Variants in CEP85L observed in about 807,000 individuals in gnomAD.
CEP85L encodes centrosomal protein 85L.
CEP85L carries 60 observed loss-of-function variants against 100.3 expected under a neutral mutation model. The observed-to-expected ratio is 0.60, with a 90% CI of 0.49 to 0.74. CEP85L has a LOEUF of 0.74. CEP85L is among the 30% of genes least tolerant of loss of function. The pLI is 0.00. For missense variants in CEP85L, 973 were observed against 936.2 expected, an observed-to-expected ratio of 1.04 and a Z score of -0.51; for synonymous variants, 319 against 322.7, an observed-to-expected ratio of 0.99 and a Z score of 0.12.
Position 118,584,766 on chromosome 6 carries a change from G to A in CEP85L, c.233-18450C>T, listed in dbSNP as rs528753295. ...TCCCAGAAGCCTCCAAATTAACTCT[G>A]GAAAATGATTTAACTATTTATGCCC... On this transcript the variant is annotated intron_variant, in intron 2 of 12. Transcript: ENST00000368491. Among the ~76,000 whole-genome samples the A allele has an allele frequency of 7.9e-5, 12 of 152,268 alleles. 1 individual carries two copies. The East Asian group carries it at 2.3e-3, about 29-fold the overall frequency.
chr6:118,573,757 C>T (rs1213957494), intron 2 of CEP85L, among the ~76,000 whole-genome samples: 2 of 151,922 alleles, frequency 1.3e-5, no homozygotes, highest in Admixed American at 1.3e-4. Flanking sequence ...CCAGAAGATA[C>T]GTAGAGATGG....
At chr6:118,482,085 C>T in intron 7 of CEP85L, 152 bp from the exon 8 acceptor site, 1 of 455,778 alleles carries the variant, frequency 2.2e-6, no homozygotes, top group Non-Finnish European at 3.6e-6. Flanking sequence ...GTATTTAATT[C>T]TCCATCTCTT....
intron 2 of CEP85L, among the ~76,000 whole-genome samples, chr6:118,622,383 A>C (rs1773506927): frequency 6.6e-6 from 1 of 152,238 alleles, no homozygotes; most frequent in Admixed American, 6.5e-5. Flanking sequence ...CCAATTGAGC[A>C]TAACTGCCAC....
At chr6:118,573,614 T>G (rs1261817175) in intron 2 of CEP85L, among the ~76,000 whole-genome samples, 1 of 152,132 alleles carries the variant, frequency 6.6e-6, no homozygotes, top group Non-Finnish European at 1.5e-5. Context: ...ACAACAGGGG[T>G]GACTGGTATT....
rs1228489170 is a variant in CEP85L at position 118,480,485 on chromosome 6, C to T, written c.1774G>A (p.Glu592Lys). The change falls in exon 9 of 13, where the codon GAA becomes AAA. Residue 592 changes from glutamate to lysine, a missense_variant. Glu to Lys is a moderately conservative substitution (Grantham distance 56). Around this residue, in one of 3 missense-constraint regions of CEP85L, gnomAD observed 890 missense variants for 844.5 expected, o/e 1.05. Transcript: ENST00000368491. ...SLQQKVERCL[E>K]DGIRLPMLDA... ...AACATGGGAAGGCGGATTCCATCTT[C>T]AAGGCATCTTTCTACTTTTTGTTGC... 4 of 1,609,858 alleles carry T rather than the reference C, an allele frequency of 2.5e-6. No individual in the cohort carries two copies. Among genetic ancestry groups the T allele is most frequent in the Non-Finnish European group, 3.4e-6 (4 of 1,177,472 alleles).
intron 7 of CEP85L, among the ~76,000 whole-genome samples, chr6:118,483,389 G>A (rs546839984): frequency 6.6e-6 from 1 of 152,222 alleles, no homozygotes; most frequent in East Asian, 1.9e-4. Context: ...GTGAATCCTA[G>A]AGACTGTGTT....
intron 3 of CEP85L, among the ~76,000 whole-genome samples, chr6:118,524,813 T>G (rs749391105): frequency 6.6e-6 from 1 of 152,192 alleles, no homozygotes; most frequent in Non-Finnish European, 1.5e-5. Context: ...TGAGGAAACC[T>G]GCCCAGGGCT....
chr6:118,524,286 TA>T (rs1460573810), intron 3 of CEP85L, among the ~76,000 whole-genome samples: 1 of 151,942 alleles, frequency 6.6e-6, no homozygotes, highest in Non-Finnish European at 1.5e-5. Flanking sequence ...CTACTAAAAA[TA>T]CAAAAAATTA....
intron 4 of CEP85L, among the ~76,000 whole-genome samples, chr6:118,519,466 GT>G (rs1776496361): frequency 1.6e-5 from 1 of 63,176 alleles, no homozygotes. Context: ...GTGTGTGTGT[GT>G]GTGTGTGGCG....
chr6:118,641,931 T>C (rs1774903648), intron 1 of CEP85L, among the ~76,000 whole-genome samples: 1 of 152,150 alleles, frequency 6.6e-6, no homozygotes, highest in Non-Finnish European at 1.5e-5. Flanking sequence ...GATGATGCTT[T>C]CAAATGAAAC....
At chr6:118,533,562 C>CA (rs1777409993) in intron 3 of CEP85L, among the ~76,000 whole-genome samples, 1 of 151,970 alleles carries the variant, frequency 6.6e-6, no homozygotes, top group Non-Finnish European at 1.5e-5. Context: ...TCCACGAACT[C>CA]AGAGGCGGAA....
At chr6:118,590,390 C>T (rs1781118482) in intron 2 of CEP85L, among the ~76,000 whole-genome samples, 1 of 152,162 alleles carries the variant, frequency 6.6e-6, no homozygotes, top group Non-Finnish European at 1.5e-5. Flanking sequence ...AAACTGGGTC[C>T]ACTCAATACA....
intron 3 of CEP85L, among the ~76,000 whole-genome samples, chr6:118,562,798 C>A (rs1344521794): frequency 1.3e-5 from 2 of 152,136 alleles, no homozygotes; most frequent in South Asian, 4.1e-4. Context: ...AGTTCAGAAA[C>A]ATCCTAGGGA....
chr6:118,566,466 G>A, intron 2 of CEP85L, 150 bp from the exon 3 acceptor site: 1 of 693,908 alleles, frequency 1.4e-6, no homozygotes, highest in Non-Finnish European at 2.4e-6. Flanking sequence ...TGCCTAGGCT[G>A]GAGTGCAGTG....
chr6:118,565,557 A>C lies in CEP85L; in HGVS notation c.992T>G (p.Phe331Cys). 1 of 1,614,166 alleles carries C rather than the reference A, an allele frequency of 6.2e-7. No homozygotes were observed. Among genetic ancestry groups the C allele is most frequent in the Non-Finnish European group, 8.5e-7 (1 of 1,180,016 alleles). Residue 331 changes from phenylalanine to cysteine, a missense_variant, in exon 3 of 13, where the codon TTT becomes TGT. This residue lies in a region of CEP85L where 890 missense variants were observed against 844.5 expected (regional missense o/e 1.05). Coordinates refer to ENST00000368491, the MANE Select transcript of CEP85L (RefSeq NM_001042475.3). ...CATTGGTGTTTCACTTCCTTGTCGA[A>C]AGTCTTCAATTTGCTGCTGTTGCCA... ...APWQQQQIED[F>C]RQGSETPMQV... is the part of the protein sequence containing the mutation.
At chr6:118,491,262 C>T (rs952935791) in intron 6 of CEP85L, among the ~76,000 whole-genome samples, 6 of 150,446 alleles carry the variant, frequency 4.0e-5, no homozygotes, top group Admixed American at 2.7e-4. Context: ...TCTAGTGTTC[C>T]TGTCTGTGTA....
At chr6:118,579,962 C>G (rs1025999071) in intron 2 of CEP85L, among the ~76,000 whole-genome samples, 1 of 152,194 alleles carries the variant, frequency 6.6e-6, no homozygotes, top group Non-Finnish European at 1.5e-5. Context: ...CATATCCCCA[C>G]GTGTGTAGAA....
chr6:118,469,949 C>T (rs780332988), intron 11 of CEP85L, among the ~76,000 whole-genome samples: 2 of 152,014 alleles, frequency 1.3e-5, no homozygotes, highest in African/African-American at 2.4e-5. Context: ...ATAAAAAGAA[C>T]TAAAAAGTAA....
chr6:118,569,884 C>T (rs559976581), intron 2 of CEP85L, among the ~76,000 whole-genome samples: 3 of 151,750 alleles, frequency 2.0e-5, no homozygotes, highest in East Asian at 1.9e-4. Flanking sequence ...TTTAAAAATC[C>T]TCAAACGCAC....
Sources: allele counts gnomAD v4.1 joint callset (sites outside exome capture counted in the v4.1 genomes callset), GRCh38; gene constraint gnomAD v4.1.1; regional missense constraint gnomAD v4.1.1; transcripts MANE v1.5; gene names NCBI Gene and HGNC (gene_info 2026-07-23, HGNC 2026-07-21).